ADGRL2: variants seen among roughly 807,000 people sequenced by gnomAD.
The protein encoded by ADGRL2 is calcium-independent alpha-latrotoxin receptor 2.
A neutral mutation model predicts 157.4 loss-of-function variants in ADGRL2; 44 were observed. The observed-to-expected ratio is 0.28, with a 90% CI of 0.22 to 0.36. The LOEUF (loss-of-function observed/expected upper bound fraction) is 0.36. Among genes scored for constraint, ADGRL2 ranks in the 10% least tolerant of loss-of-function variants. ADGRL2 has a pLI of 1.00. For synonymous variants in ADGRL2, 585 were observed against 624.7 expected, an observed-to-expected ratio of 0.94 and a Z score of 0.95; for missense variants, 1,510 against 1,768.9, an observed-to-expected ratio of 0.85 and a Z score of 2.63.
intron 3 of ADGRL2, among the ~76,000 whole-genome samples, chr1:81,912,670 TA>T (rs111358825): frequency 4.0e-5 from 6 of 150,516 alleles, no homozygotes; most frequent in East Asian, 3.9e-4. Context: ...AAAATTGCCA[TA>T]AAAAAAAACG....
At chr1:81,424,287 A>T (rs1478485447) in intron 1 of ADGRL2, among the ~76,000 whole-genome samples, 3 of 152,208 alleles carry the variant, frequency 2.0e-5, no homozygotes, top group African/African-American at 7.2e-5. Context: ...TAATCACAGG[A>T]GGCACGAAGG....
intron 2 of ADGRL2, among the ~76,000 whole-genome samples, chr1:81,539,852 C>A (rs1025211402): frequency 6.6e-6 from 1 of 150,490 alleles, no homozygotes; most frequent in Non-Finnish European, 1.5e-5. Context: ...CCTTAAAAGG[C>A]AAATCCCAAA....
chr1:81,755,830 C>T (rs2085669466), intron 1 of ADGRL2, among the ~76,000 whole-genome samples: 2 of 151,032 alleles, frequency 1.3e-5, no homozygotes, highest in Admixed American at 1.3e-4. Context: ...CTGTATTAAG[C>T]CCAAACGACT....
intron 1 of ADGRL2, among the ~76,000 whole-genome samples, chr1:81,829,477 T>G (rs997822440): frequency 1.3e-5 from 2 of 152,238 alleles, no homozygotes; most frequent in African/African-American, 4.8e-5. Flanking sequence ...AAACTTGTTC[T>G]TTCTTAAAGA....
At chr1:81,519,711 C>A (rs1240654721) in intron 2 of ADGRL2, among the ~76,000 whole-genome samples, 1 of 152,176 alleles carries the variant, frequency 6.6e-6, no homozygotes, top group Admixed American at 6.5e-5. Context: ...ACTGTCACCC[C>A]ATTACACAGA....
At chr1:81,968,424 C>T (rs928738923) in intron 14 of ADGRL2, among the ~76,000 whole-genome samples, 1 of 152,156 alleles carries the variant, frequency 6.6e-6, no homozygotes, top group African/African-American at 2.4e-5. Context: ...GTAAGTTTTC[C>T]TCCTTGGGGC....
chr1:81,388,387 C>T (rs138484028), intron 1 of ADGRL2, among the ~76,000 whole-genome samples: 185 of 152,240 alleles, frequency 1.2e-3, no homozygotes, highest in African/African-American at 3.9e-3. Flanking sequence ...ATCCCTGGGC[C>T]ACCAAAACAA....
intron 2 of ADGRL2, among the ~76,000 whole-genome samples, chr1:81,868,353 A>G (rs2093605227): frequency 1.3e-5 from 2 of 151,906 alleles, no homozygotes; most frequent in South Asian, 4.1e-4. Flanking sequence ...TTTTCCATTT[A>G]TTCCCCATAG....
At chr1:81,831,198 T>G (rs566575158) in intron 1 of ADGRL2, among the ~76,000 whole-genome samples, 4 of 152,224 alleles carry the variant, frequency 2.6e-5, no homozygotes, top group Non-Finnish European at 4.4e-5. Flanking sequence ...ATTTATGTAT[T>G]TATTCTTTGG....
chr1:81,416,937 A>T (rs946563882), intron 1 of ADGRL2, among the ~76,000 whole-genome samples: 7 of 152,200 alleles, frequency 4.6e-5, no homozygotes, highest in Non-Finnish European at 1.0e-4. Flanking sequence ...CCTGGCATAG[A>T]TCCCAAGAAT....
chr1:81,378,711 C>T (rs2076294235), intron 1 of ADGRL2, among the ~76,000 whole-genome samples: 1 of 151,548 alleles, frequency 6.6e-6, no homozygotes, highest in Admixed American at 6.6e-5. Flanking sequence ...ATTGGGAAAA[C>T]TAAATTAAAG....
At chr1:81,397,844 G>C (rs977368988) in intron 1 of ADGRL2, among the ~76,000 whole-genome samples, 1 of 152,162 alleles carries the variant, frequency 6.6e-6, no homozygotes, top group African/African-American at 2.4e-5. Flanking sequence ...GGTGTAAAAT[G>C]CAGTTTAAAT....
chr1:81,462,632 T>G (rs2077963022), intron 2 of ADGRL2, among the ~76,000 whole-genome samples: 1 of 152,224 alleles, frequency 6.6e-6, no homozygotes, highest in African/African-American at 2.4e-5. Context: ...TTATTGTTAC[T>G]TGGCCCTTGT....
At chr1:81,842,027 C>T (rs1337647844) in intron 2 of ADGRL2, among the ~76,000 whole-genome samples, 2 of 151,770 alleles carry the variant, frequency 1.3e-5, no homozygotes, top group Non-Finnish European at 2.9e-5. Context: ...GCGGTGGGGC[C>T]CAAGCATTAG....
intron 1 of ADGRL2, among the ~76,000 whole-genome samples, chr1:81,756,208 G>A (rs943538405): frequency 2.6e-5 from 4 of 152,062 alleles, no homozygotes; most frequent in African/African-American, 9.7e-5. Context: ...CATTCTTGAA[G>A]ACCAGTGAAA....
At chr1:81,967,755 C>T (rs1281892871) in intron 13 of ADGRL2, among the ~76,000 whole-genome samples, 1 of 152,020 alleles carries the variant, frequency 6.6e-6, no homozygotes, top group Non-Finnish European at 1.5e-5. Context: ...TCTAATGTAC[C>T]ATCAATTGTA....
chr1:81,397,180 T>A (rs1459157928), intron 1 of ADGRL2, among the ~76,000 whole-genome samples: 1 of 152,148 alleles, frequency 6.6e-6, no homozygotes, highest in Non-Finnish European at 1.5e-5. Flanking sequence ...TTATTTTTGG[T>A]TTAATCTTGG....
At chr1:81,380,476 G>A (rs1402873446) in intron 1 of ADGRL2, among the ~76,000 whole-genome samples, 1 of 151,796 alleles carries the variant, frequency 6.6e-6, no homozygotes, top group Non-Finnish European at 1.5e-5. Context: ...CTTTTTTGTT[G>A]TTGTTTAACA....
intron 3 of ADGRL2, among the ~76,000 whole-genome samples, chr1:81,687,160 C>T (rs1464748975): frequency 1.5e-4 from 23 of 152,032 alleles, no homozygotes; most frequent in Non-Finnish European, 2.5e-4. Flanking sequence ...TCCATTTGTT[C>T]CAAGGTATAG....
Sources: gnomAD v4.1 joint callset for allele counts (sites outside exome capture counted in the v4.1 genomes callset) on GRCh38, gnomAD v4.1.1 for gene constraint, MANE v1.5 for transcripts, NCBI Gene and HGNC (gene_info 2026-07-23, HGNC 2026-07-21) for gene names.